The following SMIM36 variants were observed in gnomAD, a reference collection of about 807,000 sequenced individuals.
SMIM36 encodes small integral membrane protein 36.
At chr17:55,528,848 C>T in the SMIM36 span, among the ~76,000 whole-genome samples, 2 of 152,144 alleles carry the variant, frequency 1.3e-5, no homozygotes, top group Non-Finnish European at 2.9e-5. Context: ...ACTGCACCAG[C>T]CTCAAGGAAG....
chr17:55,465,618 T>C (rs1452894896), intron 4 of SMIM36, among the ~76,000 whole-genome samples: 1 of 152,192 alleles, frequency 6.6e-6, no homozygotes, highest in Non-Finnish European at 1.5e-5. Context: ...ACACATGGCA[T>C]AAATTTTTGA....
intron 1 of SMIM36, among the ~76,000 whole-genome samples, chr17:55,487,970 G>A (rs1036058411): frequency 6.6e-6 from 1 of 152,208 alleles, no homozygotes; most frequent in African/African-American, 2.4e-5. Flanking sequence ...ATGGGAAGCT[G>A]CTGGAAACTT....
upstream of SMIM36, among the ~76,000 whole-genome samples, chr17:55,515,719 T>C (rs1910264677): frequency 6.6e-6 from 1 of 152,194 alleles, no homozygotes. Flanking sequence ...AGACCCTCCC[T>C]CAGAGCCTCC....
intron 1 of SMIM36, among the ~76,000 whole-genome samples, chr17:55,493,297 T>C (rs1055394492): frequency 6.6e-6 from 1 of 152,228 alleles, no homozygotes; most frequent in Non-Finnish European, 1.5e-5. Flanking sequence ...TACTTTTGTG[T>C]AGCTGAGTAA....
intron 1 of SMIM36, among the ~76,000 whole-genome samples, chr17:55,495,567 C>A (rs1426037067): frequency 1.3e-5 from 2 of 151,848 alleles, no homozygotes; most frequent in Admixed American, 1.3e-4. Context: ...AGGTAAGGAT[C>A]GGTTGAGGAC....
chr17:55,461,097 A>T (rs1909141900), intron 4 of SMIM36, among the ~76,000 whole-genome samples: 1 of 152,142 alleles, frequency 6.6e-6, no homozygotes, highest in Non-Finnish European at 1.5e-5. Context: ...ATTAACTCTA[A>T]CCTAAAGCCC....
At chr17:55,512,567 C>T (rs1357404251), upstream of SMIM36, among the ~76,000 whole-genome samples, 1 of 152,218 alleles carries the variant, frequency 6.6e-6, no homozygotes, top group Non-Finnish European at 1.5e-5. Flanking sequence ...CACTGTCCTG[C>T]CTCAGTTGTA....
chr17:55,452,102 C>CAAAAAAAAAAAAAAAAAAAAA, intron 4 of SMIM36, among the ~76,000 whole-genome samples: 1 of 51,766 alleles, frequency 1.9e-5, no homozygotes, highest in Non-Finnish European at 3.4e-5. Flanking sequence ...TCAATCTCTA[C>CAAAAAAAAAAAAAAAAAAAAA]AAAAAAAAAA....
chr17:55,490,847 T>A (rs1364395794), intron 1 of SMIM36, among the ~76,000 whole-genome samples: 2 of 151,976 alleles, frequency 1.3e-5, no homozygotes, highest in Non-Finnish European at 2.9e-5. Flanking sequence ...CAAAATGATA[T>A]AGTATAATGT....
chr17:55,455,829 A>G (rs985065638), intron 4 of SMIM36, among the ~76,000 whole-genome samples: 1 of 151,584 alleles, frequency 6.6e-6, no homozygotes. Context: ...CAAAAACAAA[A>G]AAAACATGCT....
upstream of SMIM36, among the ~76,000 whole-genome samples, chr17:55,512,681 T>A (rs1288304699): frequency 2.0e-5 from 3 of 152,272 alleles, no homozygotes; most frequent in Non-Finnish European, 2.9e-5. Context: ...TTTAATGCTC[T>A]GCTGTTGCCA....
chr17:55,460,053 C>T (rs1909110553), intron 4 of SMIM36, among the ~76,000 whole-genome samples: 1 of 152,112 alleles, frequency 6.6e-6, no homozygotes, highest in South Asian at 2.1e-4. Context: ...ATTATTATCA[C>T]TACTAGTAGT....
chr17:55,512,666 C>T (rs1369408864), upstream of SMIM36, among the ~76,000 whole-genome samples: 2 of 152,266 alleles, frequency 1.3e-5, no homozygotes, highest in South Asian at 4.1e-4. Flanking sequence ...AGAGCTCACA[C>T]TTGGTTTAAT....
chr17:55,455,936 G>A (rs1026434110), intron 4 of SMIM36, among the ~76,000 whole-genome samples: 7 of 151,842 alleles, frequency 4.6e-5, no homozygotes, highest in Non-Finnish European at 7.4e-5. Context: ...TGGCCAACAC[G>A]GTGAAACCCT....
At chr17:55,485,622 A>G (rs1909590973) in intron 1 of SMIM36, among the ~76,000 whole-genome samples, 1 of 152,196 alleles carries the variant, frequency 6.6e-6, no homozygotes, top group African/African-American at 2.4e-5. Flanking sequence ...AACATGGTCT[A>G]TGGTTGTTGG....
chr17:55,485,228 CTTAGTA>C (rs1205827338), intron 1 of SMIM36, among the ~76,000 whole-genome samples: 2 of 152,152 alleles, frequency 1.3e-5, no homozygotes, highest in East Asian at 3.9e-4. Flanking sequence ...TTCTCTATGT[CTTAGTA>C]TATCTGAAAA....
the SMIM36 span, among the ~76,000 whole-genome samples, chr17:55,523,380 A>G: frequency 6.6e-6 from 1 of 152,064 alleles, no homozygotes; most frequent in Non-Finnish European, 1.5e-5. Context: ...AAATACAAAA[A>G]TTAGTTGGGC....
intron 1 of SMIM36, among the ~76,000 whole-genome samples, chr17:55,481,990 T>C (rs1474836977): frequency 6.6e-6 from 1 of 152,176 alleles, no homozygotes; most frequent in Non-Finnish European, 1.5e-5. Context: ...TGTCACCGTG[T>C]CCAGCCAAGC....
Position 55,466,293 on chromosome 17 carries a change from A to AAG in SMIM36, c.*531+851_*531+852insCT, listed in dbSNP as rs1555620351. ...ACTCCGTCTCAAAAAAAAAAAAAAA[A>AAG]AAAAAAAAAGAAAGTGCCACACATA... is the stretch of plus-strand genomic sequence containing the variant. On this transcript the variant is annotated intron_variant, in intron 4 of 4. Transcript: ENST00000636752. Among the ~76,000 whole-genome samples, 478 of 151,172 alleles carry AAG rather than the reference A, an allele frequency of 3.2e-3. 6 individuals are homozygous for AAG. The highest frequency in any genetic ancestry group is 0.011 in the African/African-American group (464 of 41,100).
Sources: allele counts gnomAD v4.1 joint callset (sites outside exome capture counted in the v4.1 genomes callset), GRCh38; gene constraint gnomAD v4.1.1; transcripts MANE v1.5; gene names NCBI Gene and HGNC (gene_info 2026-07-23, HGNC 2026-07-21).